ZDHHC20: variants seen among roughly 807,000 people sequenced by gnomAD.
The protein encoded by ZDHHC20 is palmitoyltransferase ZDHHC20.
ZDHHC20 carries 43 observed loss-of-function variants against 57.8 expected under a neutral mutation model. That is an observed-to-expected ratio of 0.74 (90% CI 0.58 to 0.96). The LOEUF (loss-of-function observed/expected upper bound fraction) is 0.96. Among genes scored for constraint, ZDHHC20 ranks in the 40% least tolerant of loss-of-function variants. The pLI, the probability that ZDHHC20 is intolerant of heterozygous loss-of-function variation, is 0.00. For missense variants in ZDHHC20, 391 were observed against 441.1 expected (o/e 0.89, Z 1.02); for synonymous variants, 157 against 153.0 (o/e 1.03, Z -0.19).
Position 21,459,194 on chromosome 13 carries a change from C to A in ZDHHC20, c.-23G>T. 1 of 1,582,288 alleles carries A rather than the reference C, an allele frequency of 6.3e-7. No individual in the cohort carries two copies. Among genetic ancestry groups the A allele is most frequent in the African/African-American group, 1.4e-5 (1 of 72,512 alleles). The stretch of plus-strand genomic sequence containing the variant: ...CATGTTCCGCTGGCGGCTGCCGAGC[C>A]CCGCGTCCCACCGTTCTGGGGAGCG... On this transcript the variant is annotated 5_prime_UTR_variant, in exon 1 of 13. Coordinates refer to ENST00000400590, the MANE Select transcript of ZDHHC20 (RefSeq NM_001330059.2).
At chr13:21,438,631 AC>A (rs1882799268) in intron 1 of ZDHHC20, among the ~76,000 whole-genome samples, 1 of 152,246 alleles carries the variant, frequency 6.6e-6, no homozygotes, top group African/African-American at 2.4e-5. Flanking sequence ...TGATGAAATG[AC>A]AAAAACCATT....
intron 1 of ZDHHC20, among the ~76,000 whole-genome samples, chr13:21,436,211 T>C (rs76522578): frequency 0.14 from 21,996 of 152,232 alleles, 2,152 homozygotes; most frequent in Non-Finnish European, 0.23. Context: ...TGGAGAAACA[T>C]AGCACACACT....
intron 1 of ZDHHC20, among the ~76,000 whole-genome samples, chr13:21,439,137 G>A (rs1593268042): frequency 6.6e-6 from 1 of 152,136 alleles, no homozygotes; most frequent in Non-Finnish European, 1.5e-5. Flanking sequence ...TCCCACCAAG[G>A]TATGCCTGCA....
chr13:21,414,527 A>ATTTTTTTTTTTTTTTTTTTTT lies in ZDHHC20; in HGVS notation c.250-756_250-755insAAAAAAAAAAAAAAAAAAAAA, dbSNP rs747307477. ...AGGCGCACGCCACTATGCCCGGATA[A>ATTTTTTTTTTTTTTTTTTTTT]TTTTTTTTTTTTTTTTTGTATTTTT... is the stretch of plus-strand genomic sequence containing the variant. On this transcript the variant is annotated intron_variant, in intron 3 of 12. Coordinates refer to ENST00000400590, the MANE Select transcript of ZDHHC20 (RefSeq NM_001330059.2). 2.9e-3 allele frequency among the ~76,000 whole-genome samples: 315 copies of ATTTTTTTTTTTTTTTTTTTTT among 107,410 alleles called. 1 individual carries two copies. Among genetic ancestry groups the ATTTTTTTTTTTTTTTTTTTTT allele is most frequent in the Middle Eastern group, 6.2e-3 (1 of 162 alleles). 70.5% of individuals were successfully genotyped at this position (107,410 alleles called of 152,430 possible).
At chr13:21,387,751 A>T in intron 8 of ZDHHC20, 117 bp from the exon 9 acceptor site, 2 of 526,074 alleles carry the variant, frequency 3.8e-6, no homozygotes, top group Non-Finnish European at 5.9e-6. Context: ...ATATAATTTA[A>T]AATAAATAAT....
intron 1 of ZDHHC20, among the ~76,000 whole-genome samples, chr13:21,430,965 G>A (rs1358674736): frequency 1.3e-5 from 2 of 152,136 alleles, no homozygotes; most frequent in African/African-American, 2.4e-5. Context: ...GGAAGTCCCT[G>A]CTTGTCCTTT....
intron 1 of ZDHHC20, among the ~76,000 whole-genome samples, chr13:21,433,758 C>A (rs1882253687): frequency 6.6e-6 from 1 of 152,314 alleles, no homozygotes; most frequent in Non-Finnish European, 1.5e-5. Flanking sequence ...GAAGTAATGT[C>A]TTTGAAATAT....
At chr13:21,390,320 C>T (rs1875444013) in intron 8 of ZDHHC20, 1 of 152,166 alleles carries the variant, frequency 6.6e-6, no homozygotes, top group South Asian at 2.1e-4. Flanking sequence ...GATAACATAG[C>T]AGTACTTCTT....
rs1294683745 is a variant in ZDHHC20 at position 21,373,609 on chromosome 13, C to G, written c.*3087G>C. 6.6e-6 allele frequency: 1 copy of G among 152,196 alleles called. No individual in the cohort carries two copies. Among genetic ancestry groups the G allele is most frequent in the African/African-American group, 2.4e-5 (1 of 41,456 alleles). 9.4% of individuals were successfully genotyped at this position (152,196 alleles called of 1,614,324 possible). A position where few individuals can be genotyped will look rare whatever the true frequency, so the allele number is the denominator to read the frequency against. ...TCAAGTAAATTTGTTCCCAGGTAAA[C>G]CAAGTCTCCTAATTTGTCTGTAATG... On this transcript the variant is annotated 3_prime_UTR_variant, in exon 13 of 13. Transcript: ENST00000400590.
intron 1 of ZDHHC20, among the ~76,000 whole-genome samples, chr13:21,429,919 T>C (rs1881720707): frequency 6.6e-6 from 1 of 152,218 alleles, no homozygotes; most frequent in Admixed American, 6.5e-5. Flanking sequence ...TTGGCTATTG[T>C]ATTTTCAGTT....
intron 1 of ZDHHC20, among the ~76,000 whole-genome samples, chr13:21,452,771 CA>C (rs945894751): frequency 6.6e-6 from 1 of 151,966 alleles, no homozygotes; most frequent in Non-Finnish European, 1.5e-5. Flanking sequence ...CTCAAAGACA[CA>C]TGTTATAAGC....
At chr13:21,427,411 T>C (rs1289332745) in intron 1 of ZDHHC20, among the ~76,000 whole-genome samples, 1 of 152,190 alleles carries the variant, frequency 6.6e-6, no homozygotes, top group Non-Finnish European at 1.5e-5. Flanking sequence ...CTTGATAATA[T>C]ACTGTGTTAT....
intron 1 of ZDHHC20, among the ~76,000 whole-genome samples, chr13:21,456,310 T>C (rs1011875578): frequency 1.9e-4 from 29 of 152,128 alleles, no homozygotes; most frequent in Non-Finnish European, 2.4e-4. Context: ...CTTGGGAGGC[T>C]GAGGCAGGAG....
Position 21,375,233 on chromosome 13 carries a change from C to T in ZDHHC20, c.*1463G>A, listed in dbSNP as rs1049042883. On this transcript the variant is annotated 3_prime_UTR_variant, in exon 13 of 13. Transcript: ENST00000400590. ...CATCCAGTCCAACTTATTCACAACA[C>T]CCCCTCCCCTGCAGTCCCATTTTAC... is the stretch of plus-strand genomic sequence containing the variant. 1 of 453,102 alleles carries T rather than the reference C, an allele frequency of 2.2e-6. No homozygotes were observed. The highest frequency in any genetic ancestry group is 1.6e-5 in the South Asian group (1 of 63,984). 28.1% of individuals were successfully genotyped at this position (453,102 alleles called of 1,614,324 possible). A position where few individuals can be genotyped will look rare whatever the true frequency, so the allele number is the denominator to read the frequency against.
Position 21,378,710 on chromosome 13 carries a change from T to C in ZDHHC20, c.1089A>G (p.Ile363Met). ...TATGAACAAGTGGTACTCAATTTTC[T>C]ATTGCCACTGTTACATGGTTATTTG... Reference protein sequence around the residue: ...SGTNNHVTVAIEN With the variant: ...SGTNNHVTVAMEN The change falls in exon 12 of 13, where the codon ATA becomes ATG. Residue 363 changes from isoleucine to methionine, a missense_variant. Physicochemically the swap from Ile to Met is conservative, Grantham distance 10. Coordinates refer to ENST00000400590, the MANE Select transcript of ZDHHC20 (RefSeq NM_001330059.2). 6.8e-7 allele frequency: 1 copy of C among 1,473,548 alleles called. No homozygotes were observed. The highest frequency in any genetic ancestry group is 1.5e-5 in the South Asian group (1 of 65,828). The allele number at this position is 1,473,548 out of a possible 1,614,324, so 91.3% of individuals were successfully genotyped here.
intron 4 of ZDHHC20, among the ~76,000 whole-genome samples, chr13:21,408,774 G>C (rs1878807826): frequency 6.6e-6 from 1 of 152,164 alleles, no homozygotes; most frequent in Admixed American, 6.5e-5. Context: ...TTATTATTTT[G>C]AGATGCGTTC....
intron 2 of ZDHHC20, 90 bp downstream of exon 2, chr13:21,425,562 A>G: frequency 2.1e-6 from 2 of 952,356 alleles, no homozygotes; most frequent in Non-Finnish European, 2.9e-6. Flanking sequence ...TAAAAAACAA[A>G]AACACATGCA....
At chr13:21,429,333 G>C (rs981987857) in intron 1 of ZDHHC20, among the ~76,000 whole-genome samples, 4 of 152,162 alleles carry the variant, frequency 2.6e-5, no homozygotes, top group African/African-American at 9.7e-5. Flanking sequence ...TGTGCTATCT[G>C]AATGTACAAC....
intron 1 of ZDHHC20, among the ~76,000 whole-genome samples, chr13:21,453,721 A>C (rs529349527): frequency 7.6e-4 from 116 of 152,356 alleles, no homozygotes; most frequent in Middle Eastern, 3.4e-3. Flanking sequence ...TCAAAGATCA[A>C]ACCAAAAGTG....
Sources: gnomAD v4.1 joint callset for allele counts (sites outside exome capture counted in the v4.1 genomes callset) on GRCh38, gnomAD v4.1.1 for gene constraint, MANE v1.5 for transcripts, NCBI Gene and HGNC (gene_info 2026-07-23, HGNC 2026-07-21) for gene names.